Variants in TRPC4AP observed in about 807,000 individuals in gnomAD.
The protein encoded by TRPC4AP is transient receptor potential cation channel subfamily C member 4 associated protein.
In TRPC4AP, 45 loss-of-function variants were observed where a neutral mutation model predicts 99.0. That is an observed-to-expected ratio of 0.45 (90% CI 0.36 to 0.58). The LOEUF (loss-of-function observed/expected upper bound fraction) is 0.58, where lower values mean the gene tolerates loss of function less well. Ranked by LOEUF, TRPC4AP falls within the 20% of genes least tolerant of loss-of-function variation. The pLI is 0.00. For synonymous variants in TRPC4AP, 408 were observed against 385.8 expected, an observed-to-expected ratio of 1.06 and a Z score of -0.67; for missense variants, 879 against 985.3, an observed-to-expected ratio of 0.89 and a Z score of 1.44.
At chr20:35,038,147 T>C (rs1240397479) in intron 7 of TRPC4AP, among the ~76,000 whole-genome samples, 1 of 147,380 alleles carries the variant, frequency 6.8e-6, no homozygotes, top group African/African-American at 2.5e-5. Flanking sequence ...TAGATAGAGG[T>C]GGTAGCTGCA....
intron 1 of TRPC4AP, among the ~76,000 whole-genome samples, chr20:35,084,834 A>G (rs759892961): frequency 6.6e-6 from 1 of 151,654 alleles, no homozygotes; most frequent in East Asian, 1.9e-4. Flanking sequence ...ACTGTTTTTA[A>G]CACTACAAAA....
At chr20:35,077,204 T>G (rs1331077923) in intron 2 of TRPC4AP, among the ~76,000 whole-genome samples, 1 of 152,172 alleles carries the variant, frequency 6.6e-6, no homozygotes, top group African/African-American at 2.4e-5. Flanking sequence ...CCCCACCCCT[T>G]GCGACTCCCA....
intron 11 of TRPC4AP, among the ~76,000 whole-genome samples, chr20:35,011,665 G>A (rs1392149880): frequency 1.3e-5 from 2 of 151,868 alleles, no homozygotes; most frequent in Non-Finnish European, 1.5e-5. Context: ...ACAACGTCCT[G>A]TGCAGCCCAG....
Position 35,024,854 on chromosome 20 carries a change from A to AAAAAAAAAAAT in TRPC4AP, c.1052-3499_1052-3498insATTTTTTTTTT, listed in dbSNP as rs1479270980. 1.8e-3 allele frequency among the ~76,000 whole-genome samples: 162 copies of AAAAAAAAAAAT among 89,450 alleles called. 32 individuals are homozygous for AAAAAAAAAAAT. Among genetic ancestry groups the AAAAAAAAAAAT allele is most frequent in the East Asian group, 3.5e-3 (8 of 2,280 alleles). The allele number at this position is 89,450 out of a possible 152,430, so 58.7% of individuals were successfully genotyped here. A position where few individuals can be genotyped will look rare whatever the true frequency, so the allele number is the denominator to read the frequency against. ...AAAAAAAAAAAAAAAAAAAAAAAAA[A>AAAAAAAAAAAT]ATTCTGTTTATTCATTAATCAGGTG... On this transcript the variant is annotated intron_variant, in intron 8 of 18. Coordinates refer to ENST00000252015, the MANE Select transcript of TRPC4AP (RefSeq NM_015638.3).
At chr20:35,033,732 C>G in intron 8 of TRPC4AP, among the ~76,000 whole-genome samples, 1 of 152,018 alleles carries the variant, frequency 6.6e-6, no homozygotes, top group East Asian at 1.9e-4. Flanking sequence ...TGGCTCATGC[C>G]TATAAACCTG....
chr20:35,052,255 C>A (rs73273863), intron 5 of TRPC4AP, among the ~76,000 whole-genome samples: 3 of 151,668 alleles, frequency 2.0e-5, no homozygotes, highest in African/African-American at 7.3e-5. Flanking sequence ...TATAACACCA[C>A]GTCCAGCCAG....
chr20:35,004,341 A>T, intron 17 of TRPC4AP, 117 bp downstream of exon 17: 3 of 823,752 alleles, frequency 3.6e-6, no homozygotes, highest in Non-Finnish European at 6.0e-6. Context: ...TCCTCAGAAG[A>T]GCTGGGTCTC....
intron 17 of TRPC4AP, among the ~76,000 whole-genome samples, 190 bp from the exon 18 acceptor site, chr20:35,003,806 C>G (rs1054814345): frequency 6.6e-6 from 1 of 152,168 alleles, no homozygotes; most frequent in African/African-American, 2.4e-5. Context: ...CCTGACTGAG[C>G]ACCTTCCTCT....
Position 35,016,050 on chromosome 20 carries a change from G to C in TRPC4AP, c.1308C>G (p.Ala436=), listed in dbSNP as rs1241803315. 1 of 1,614,102 alleles carries C rather than the reference G, an allele frequency of 6.2e-7. No individual in the cohort carries two copies. Among genetic ancestry groups the C allele is most frequent in the South Asian group, 1.1e-5 (1 of 91,082 alleles). Residue 436 remains alanine (A), a synonymous_variant, in exon 10 of 19, where the codon GCC becomes GCG. Transcript: ENST00000252015. ...KLIWRKHSAS[A]LVLHGHNQNC... ...TCTGGTTGTGACCATGGAGGACAAG[G>C]GCAGATGCTGAATGCTTCCTCCAAA...
At chr20:35,086,463 GTGTGTGTGTGTGTATGTGTGTGTA>G (rs2084857253) in intron 1 of TRPC4AP, among the ~76,000 whole-genome samples, 3 of 125,560 alleles carry the variant, frequency 2.4e-5, no homozygotes, top group African/African-American at 3.8e-5. Context: ...GTGTGTGTGT[GTGTGTGTGTGTGTATGTGTGTGTA>G]TATATATATG....
At chr20:35,025,845 A>C (rs1285905454) in intron 8 of TRPC4AP, among the ~76,000 whole-genome samples, 2 of 152,218 alleles carry the variant, frequency 1.3e-5, no homozygotes, top group Admixed American at 6.5e-5. Context: ...TATGACAGCT[A>C]AATTGTTAAA....
intron 11 of TRPC4AP, among the ~76,000 whole-genome samples, chr20:35,011,075 G>A (rs370164247): frequency 4.6e-5 from 7 of 152,180 alleles, no homozygotes; most frequent in East Asian, 1.9e-4. Context: ...CCTGGCCAAC[G>A]TGGCGAAACC....
intron 3 of TRPC4AP, among the ~76,000 whole-genome samples, chr20:35,066,733 T>C (rs547890586): frequency 6.6e-6 from 1 of 152,186 alleles, no homozygotes; most frequent in South Asian, 2.1e-4. Flanking sequence ...AGTAAAACAC[T>C]GATCAATCTG....
intron 2 of TRPC4AP, among the ~76,000 whole-genome samples, chr20:35,076,337 G>A (rs1001803965): frequency 2.6e-5 from 4 of 152,162 alleles, no homozygotes; most frequent in South Asian, 4.1e-4. Context: ...GAGAAGAGGC[G>A]CTCTGATTTT....
chr20:35,031,983 G>A (rs183716795), intron 8 of TRPC4AP, among the ~76,000 whole-genome samples: 23 of 152,138 alleles, frequency 1.5e-4, no homozygotes, highest in East Asian at 7.8e-4. Context: ...CCTCTGCCCC[G>A]GGTTCAATCG....
intron 2 of TRPC4AP, 116 bp from the exon 3 acceptor site, chr20:35,069,528 C>T: frequency 1.5e-6 from 1 of 669,848 alleles, no homozygotes; most frequent in East Asian, 2.6e-5. Context: ...CAAAGACAGT[C>T]CCCAATGAAC....
At position 35,003,599 on chromosome 20, in the gene TRPC4AP, G is replaced by C; in HGVS notation, c.2067C>G (p.Leu689=). 1 of 1,613,818 alleles carries C rather than the reference G, an allele frequency of 6.2e-7. No homozygotes were observed. Among genetic ancestry groups the C allele is most frequent in the Non-Finnish European group, 8.5e-7 (1 of 1,179,936 alleles). Residue 689 remains leucine, a synonymous_variant, in exon 18 of 19, where the codon CTC becomes CTG. Transcript: ENST00000252015. ...GCATCAGGATCACCAGGCTGGTGTT[G>C]AGGCAGCTGACGTTCTCCTGCAAGG... ...QTLTQENVSC[L]NTSLVILMLA...
intron 9 of TRPC4AP, among the ~76,000 whole-genome samples, chr20:35,019,365 C>T (rs2082832204): frequency 6.6e-6 from 1 of 152,170 alleles, no homozygotes; most frequent in East Asian, 1.9e-4. Flanking sequence ...AAGACCGCAA[C>T]AACTCATAGC....
At chr20:35,057,716 G>A in intron 3 of TRPC4AP, 145 bp from the exon 4 acceptor site, 1 of 587,912 alleles carries the variant, frequency 1.7e-6, no homozygotes, top group Non-Finnish European at 2.8e-6. Context: ...GTTCAGTAAG[G>A]CTCCTGACTG....
Sources: allele counts gnomAD v4.1 joint callset (sites outside exome capture counted in the v4.1 genomes callset), GRCh38; gene constraint gnomAD v4.1.1; transcripts MANE v1.5; gene names NCBI Gene and HGNC (gene_info 2026-07-23, HGNC 2026-07-21).